The following LRRIQ1 variants were observed in gnomAD, a reference collection of about 807,000 sequenced individuals.
LRRIQ1 encodes the protein leucine rich repeats and IQ motif containing 1, also known as leucine-rich repeat- and IQ domain-containing protein 1.
A neutral mutation model predicts 211.9 loss-of-function variants in LRRIQ1; 210 were observed. That is an observed-to-expected ratio of 0.99 (90% confidence interval 0.89 to 1.11). The LOEUF (loss-of-function observed/expected upper bound fraction) is 1.11, where lower values mean the gene tolerates loss of function less well. Among genes scored for constraint, LRRIQ1 ranks in the 50% most tolerant of loss-of-function variants. LRRIQ1 has a pLI of 0.00. For synonymous variants in LRRIQ1, 699 were observed against 650.1 expected (o/e 1.08, Z -1.14); for missense variants, 2,136 against 1,939.5 (o/e 1.10, Z -1.90).
chr12:85,220,259 A>G (rs1894336021), intron 24 of LRRIQ1, among the ~76,000 whole-genome samples: 1 of 152,158 alleles, frequency 6.6e-6, no homozygotes, highest in East Asian at 1.9e-4. Flanking sequence ...GAGAAAAGCC[A>G]TTAAGGGAAA....
At chr12:85,239,635 T>G (rs867496033) in intron 26 of LRRIQ1, among the ~76,000 whole-genome samples, 37 of 151,622 alleles carry the variant, frequency 2.4e-4, no homozygotes, top group Middle Eastern at 6.8e-3. Context: ...TTATGAAAAA[T>G]GAAATTAAGA....
chr12:85,141,737 GTATT>G (rs577973921), intron 19 of LRRIQ1, among the ~76,000 whole-genome samples: 87 of 151,040 alleles, frequency 5.8e-4, no homozygotes, highest in Non-Finnish European at 1.1e-3. Flanking sequence ...TTTTATTAGA[GTATT>G]TAGACTGTTT....
intron 11 of LRRIQ1, among the ~76,000 whole-genome samples, chr12:85,083,109 G>T (rs576825634): frequency 2.6e-5 from 4 of 152,272 alleles, no homozygotes; most frequent in African/African-American, 9.6e-5. Context: ...GCTGATTGAT[G>T]TTCCAGGTTT....
At chr12:85,055,514 A>T (rs758917898) in intron 7 of LRRIQ1, 33 bp from the exon 8 acceptor site, 1 of 1,396,372 alleles carries the variant, frequency 7.2e-7, no homozygotes. Flanking sequence ...TGTTTAGTTT[A>T]TGCTGACTAC....
intron 25 of LRRIQ1, among the ~76,000 whole-genome samples, chr12:85,232,087 A>G (rs988807287): frequency 6.6e-6 from 1 of 152,148 alleles, no homozygotes; most frequent in Non-Finnish European, 1.5e-5. Flanking sequence ...TAAATATTTA[A>G]CAATAACCCT....
intron 11 of LRRIQ1, among the ~76,000 whole-genome samples, chr12:85,084,528 T>A (rs1396153245): frequency 1.3e-5 from 2 of 152,174 alleles, no homozygotes; most frequent in African/African-American, 4.8e-5. Context: ...TCCGCATAGA[T>A]TTTATATTTT....
At chr12:85,259,087 T>C (rs1896209529) in intron 1 of LRRIQ1, among the ~76,000 whole-genome samples, 1 of 152,014 alleles carries the variant, frequency 6.6e-6, no homozygotes. Flanking sequence ...AAATAGAGCA[T>C]AATCATCAAG....
intron 24 of LRRIQ1, among the ~76,000 whole-genome samples, chr12:85,212,937 G>T (rs1259038907): frequency 6.7e-6 from 1 of 149,638 alleles, no homozygotes; most frequent in East Asian, 2.0e-4. Flanking sequence ...ATGGAGTCAA[G>T]AAAGTAAAAA....
intron 3 of LRRIQ1, among the ~76,000 whole-genome samples, chr12:85,044,183 A>G (rs1235560882): frequency 6.6e-6 from 1 of 152,148 alleles, no homozygotes; most frequent in African/African-American, 2.4e-5. Context: ...ACCATGTTAT[A>G]ACATATTAAT....
intron 5 of LRRIQ1, among the ~76,000 whole-genome samples, chr12:85,046,775 G>A (rs1049548839): frequency 3.9e-5 from 6 of 152,044 alleles, no homozygotes; most frequent in African/African-American, 1.4e-4. Flanking sequence ...ATGATAGACT[G>A]GATTAAGAAA....
intron 1 of LRRIQ1, among the ~76,000 whole-genome samples, chr12:85,259,267 T>C (rs921253452): frequency 4.6e-5 from 7 of 152,040 alleles, no homozygotes; most frequent in African/African-American, 1.7e-4. Flanking sequence ...TAGGAGTCCA[T>C]CAGTAGGTTT....
intron 24 of LRRIQ1, among the ~76,000 whole-genome samples, chr12:85,204,303 G>A (rs1893437842): frequency 1.3e-5 from 2 of 152,184 alleles, no homozygotes; most frequent in Non-Finnish European, 2.9e-5. Flanking sequence ...CTCTCATGGA[G>A]AACTTCTGCT....
At chr12:85,221,250 T>G (rs1345976493) in intron 24 of LRRIQ1, among the ~76,000 whole-genome samples, 1 of 152,190 alleles carries the variant, frequency 6.6e-6, no homozygotes, top group East Asian at 1.9e-4. Flanking sequence ...TGCACAGATT[T>G]GTCCACATGC....
At chr12:85,048,787 A>G (rs1879956858) in intron 6 of LRRIQ1, among the ~76,000 whole-genome samples, 1 of 152,152 alleles carries the variant, frequency 6.6e-6, no homozygotes. Flanking sequence ...TTATTGGAGT[A>G]GTATTTGTTG....
Position 85,055,609 on chromosome 12 carries a change from A to C in LRRIQ1, c.816A>C (p.Gln272His). ...AAAGAACAAGATTTAAAGACCAACA[A>C]GAAAAAGAAAAAAATTCTTTGTTAA... Reference protein sequence around the residue: ...EEERTRFKDQQEKEKNSLLKQ... With the variant: ...EEERTRFKDQHEKEKNSLLKQ... Residue 272 changes from glutamine (Q) to histidine (H), a missense_variant, in exon 8 of 27, where the codon CAA (glutamine) becomes CAC (histidine). By Grantham distance (24) the Gln-to-His change is conservative. Coordinates refer to ENST00000393217, the MANE Select transcript of LRRIQ1 (RefSeq NM_001079910.2). 6.4e-7 allele frequency: 1 copy of C among 1,571,368 alleles called. No homozygotes were observed. Among genetic ancestry groups the C allele is most frequent in the Non-Finnish European group, 8.6e-7 (1 of 1,167,244 alleles).
chr12:85,182,308 A>G (rs1892017323), intron 24 of LRRIQ1, among the ~76,000 whole-genome samples: 1 of 149,806 alleles, frequency 6.7e-6, no homozygotes, highest in South Asian at 2.1e-4. Flanking sequence ...ACCCAAGTTA[A>G]GAAAAAAAAA....
In LRRIQ1 at chr12:85,147,335, A is replaced by T. The variant is rs1347886826; in HGVS notation, c.4330-4945A>T. On this transcript the variant is annotated intron_variant, in intron 19 of 26. Transcript: ENST00000393217. The stretch of plus-strand genomic sequence containing the variant: ...AAATTTTTCAGGAATCACAAGTCTG[A>T]TATAAAAAGTAGGTCTACCTTAGAT... 3.3e-5 allele frequency among the ~76,000 whole-genome samples: 5 copies of T among 151,942 alleles called. No homozygotes were observed. In the East Asian group the frequency reaches 7.8e-4, roughly 24 times the overall value.
downstream of LRRIQ1, among the ~76,000 whole-genome samples, chr12:85,247,330 G>A (rs1033247850): frequency 2.6e-5 from 4 of 151,636 alleles, no homozygotes; most frequent in South Asian, 8.3e-4. Flanking sequence ...ACCTTATAAA[G>A]CTATTAATAA....
At chr12:85,204,888 A>T (rs1893467791) in intron 24 of LRRIQ1, among the ~76,000 whole-genome samples, 1 of 152,100 alleles carries the variant, frequency 6.6e-6, no homozygotes, top group Non-Finnish European at 1.5e-5. Flanking sequence ...AGGCATGATT[A>T]GTTTTGAAAT....
Sources: gnomAD v4.1 joint callset for allele counts (sites outside exome capture counted in the v4.1 genomes callset) on GRCh38, gnomAD v4.1.1 for gene constraint, MANE v1.5 for transcripts, NCBI Gene and HGNC (gene_info 2026-07-23, HGNC 2026-07-21) for gene names.